Variants in RPS6KA2 observed in about 807,000 individuals in gnomAD.
RPS6KA2 encodes ribosomal protein S6 kinase alpha-2.
RPS6KA2 carries 42 observed loss-of-function variants against 91.8 expected under a neutral mutation model. The observed-to-expected ratio is 0.46, with a 90% CI of 0.36 to 0.59. RPS6KA2 has a LOEUF of 0.59. RPS6KA2 is among the 20% of genes least tolerant of loss of function. The pLI is 0.00. For missense variants in RPS6KA2, 798 were observed against 978.5 expected (o/e 0.82, Z 2.46); for synonymous variants, 414 against 393.6 (o/e 1.05, Z -0.61).
At chr6:166,814,325 A>G (rs1346167725) in intron 2 of RPS6KA2, among the ~76,000 whole-genome samples, 2 of 152,272 alleles carry the variant, frequency 1.3e-5, no homozygotes, top group Non-Finnish European at 2.9e-5. Context: ...ATAGTAAAGC[A>G]ATGATTCACA....
intron 1 of RPS6KA2, among the ~76,000 whole-genome samples, chr6:166,861,358 TCTA>T: frequency 1.1e-5 from 1 of 88,894 alleles, no homozygotes; most frequent in Non-Finnish European, 3.4e-5. Flanking sequence ...AACAGGTATA[TCTA>T]ATAATTTAGT....
intron 19 of RPS6KA2, among the ~76,000 whole-genome samples, chr6:166,415,056 G>A (rs951281354): frequency 1.3e-5 from 2 of 152,100 alleles, no homozygotes; most frequent in African/African-American, 4.8e-5. Context: ...CATGGCAAGA[G>A]TCCATCTCAA....
intron 2 of RPS6KA2, among the ~76,000 whole-genome samples, chr6:166,819,555 A>G (rs1188202500): frequency 6.6e-6 from 1 of 152,240 alleles, no homozygotes; most frequent in African/African-American, 2.4e-5. Context: ...GGACTCACAC[A>G]GTTCAAATGT....
rs547594413 is a variant in RPS6KA2 at position 166,842,840 on chromosome 6, C to T, written c.123+15360G>A. On this transcript the variant is annotated intron_variant, in intron 2 of 21. Transcript: ENST00000503859. ...AAGCAGCATGTGGAGAGACCCACATCGTGAACTTTTGTTCCAAGAACTACC... is the reference window on the plus strand; with the variant it reads ...AAGCAGCATGTGGAGAGACCCACATTGTGAACTTTTGTTCCAAGAACTACC... 2.2e-3 allele frequency among the ~76,000 whole-genome samples: 331 copies of T among 152,316 alleles called. 5 individuals are homozygous for T. Among genetic ancestry groups the T allele is most frequent in the South Asian group, 0.016 (75 of 4,830 alleles).
chr6:166,719,821 T>C (rs1282952925), intron 2 of RPS6KA2, among the ~76,000 whole-genome samples: 1 of 152,228 alleles, frequency 6.6e-6, no homozygotes, highest in Non-Finnish European at 1.5e-5. Flanking sequence ...ACAAGCATCA[T>C]CCTAGTTATG....
intron 1 of RPS6KA2, among the ~76,000 whole-genome samples, chr6:166,599,625 A>G (rs1239040727): frequency 1.3e-5 from 2 of 152,196 alleles, no homozygotes; most frequent in African/African-American, 2.4e-5. Flanking sequence ...CTCTAAAAAT[A>G]CCAACCAACA....
intron 2 of RPS6KA2, among the ~76,000 whole-genome samples, chr6:166,692,320 A>G (rs1789231198): frequency 6.6e-6 from 1 of 152,176 alleles, no homozygotes; most frequent in Non-Finnish European, 1.5e-5. Context: ...TCAAGCTATA[A>G]ACTAAAATCG....
rs888403609 is a variant in RPS6KA2 at position 166,434,029 on chromosome 6, A to G, written c.1333-1539T>C. Among the ~76,000 whole-genome samples, 1 of 152,160 alleles carries G rather than the reference A, an allele frequency of 6.6e-6. No individual in the cohort carries two copies. The highest frequency in any genetic ancestry group is 2.4e-5 in the African/African-American group (1 of 41,432). On this transcript the variant is annotated intron_variant, in intron 14 of 20. Coordinates refer to ENST00000265678, the MANE Select transcript of RPS6KA2 (RefSeq NM_021135.6). The surrounding 1 kb of genome is among the most constrained non-coding windows in gnomAD (Gnocchi z 4.4). ...CCTGCCTCAGCCTCCCAAAGTGCTG[A>G]GATTACAGGCATGAGCAACTACACC...
chr6:166,572,257 C>T (rs1251132454), intron 1 of RPS6KA2, among the ~76,000 whole-genome samples: 1 of 152,150 alleles, frequency 6.6e-6, no homozygotes, highest in Non-Finnish European at 1.5e-5. Context: ...ATATCTGATA[C>T]AATGTCTTCC....
chr6:166,717,850 C>A (rs1013177315), intron 2 of RPS6KA2, among the ~76,000 whole-genome samples: 6 of 140,790 alleles, frequency 4.3e-5, no homozygotes, highest in Non-Finnish European at 9.2e-5. Context: ...TTCTTCTTTT[C>A]TTTCTTTTTT....
chr6:166,455,739 C>A (rs539121833), intron 12 of RPS6KA2, among the ~76,000 whole-genome samples: 1 of 152,350 alleles, frequency 6.6e-6, no homozygotes, highest in Admixed American at 6.5e-5. Context: ...TCCTGCTACA[C>A]CCGGTTTGCT....
intron 2 of RPS6KA2, among the ~76,000 whole-genome samples, chr6:166,692,469 A>G (rs1178954191): frequency 2.0e-5 from 3 of 152,212 alleles, no homozygotes; most frequent in Non-Finnish European, 2.9e-5. Flanking sequence ...AACACTGGAC[A>G]GAGAGCAGAC....
chr6:166,641,651 C>CG (rs1340740256), intron 2 of RPS6KA2, among the ~76,000 whole-genome samples: 3 of 116,736 alleles, frequency 2.6e-5, no homozygotes, highest in Middle Eastern at 6.3e-3. Context: ...ACCTGGGAGG[C>CG]GGGGGGTGCA....
chr6:166,686,679 C>A (rs1179142377), intron 2 of RPS6KA2, among the ~76,000 whole-genome samples: 1 of 152,222 alleles, frequency 6.6e-6, no homozygotes, highest in African/African-American at 2.4e-5. Context: ...CTGCCTTGCT[C>A]CCCGGCTGAG....
At chr6:166,641,745 A>AAAAAAAAAAAAAAAAT (rs1787443760) in intron 2 of RPS6KA2, among the ~76,000 whole-genome samples, 1 of 132,210 alleles carries the variant, frequency 7.6e-6, no homozygotes, top group Non-Finnish European at 1.5e-5. Context: ...AAAAAAAAAA[A>AAAAAAAAAAAAAAAAT]AAAAAAAAAA....
intron 2 of RPS6KA2, among the ~76,000 whole-genome samples, chr6:166,820,264 C>A (rs951900920): frequency 1.3e-5 from 2 of 152,194 alleles, no homozygotes; most frequent in Non-Finnish European, 1.5e-5. Context: ...CACCGACCAG[C>A]CTCCCATGTC....
chr6:166,819,548 C>T (rs1168933418), intron 2 of RPS6KA2, among the ~76,000 whole-genome samples: 1 of 152,204 alleles, frequency 6.6e-6, no homozygotes, highest in Non-Finnish European at 1.5e-5. Flanking sequence ...GATAAGTGGA[C>T]TCACACAGTT....
intron 2 of RPS6KA2, chr6:166,702,790 T>TC (rs1789564174): frequency 9.1e-7 from 1 of 1,094,306 alleles, no homozygotes; most frequent in African/African-American, 1.6e-5. Context: ...ACCTTCTAGG[T>TC]CCAAGGGGGC....
intron 10 of RPS6KA2, among the ~76,000 whole-genome samples, chr6:166,474,408 A>G (rs975684492): frequency 2.6e-5 from 4 of 152,178 alleles, no homozygotes; most frequent in Admixed American, 2.0e-4. Flanking sequence ...TTGCTGTGCT[A>G]TTTTTGTGCT....
Sources: gnomAD v4.1 joint callset for allele counts (sites outside exome capture counted in the v4.1 genomes callset) on GRCh38, gnomAD v4.1.1 for gene constraint, Gnocchi (gnomAD v3.1) non-coding constraint, MANE v1.5 for transcripts, NCBI Gene and HGNC (gene_info 2026-07-23, HGNC 2026-07-21) for gene names.